Variants in BSCL2 observed in about 807,000 individuals in gnomAD.
The protein encoded by BSCL2 is seipin.
Under a neutral mutation model 57.4 loss-of-function variants are expected in BSCL2, and 41 were observed. The ratio of observed to expected loss-of-function variants is 0.71; its 90% CI spans 0.56 to 0.93. The LOEUF is 0.93. Among genes scored for constraint, BSCL2 ranks in the 40% least tolerant of loss-of-function variants. The pLI, the probability that BSCL2 is intolerant of heterozygous loss-of-function variation, is 0.00. For missense variants in BSCL2, 539 were observed against 586.7 expected, an observed-to-expected ratio of 0.92 and a Z score of 0.84; for synonymous variants, 237 against 227.3, an observed-to-expected ratio of 1.04 and a Z score of -0.38.
intron 3 of BSCL2, among the ~76,000 whole-genome samples, chr11:62,696,928 C>T (rs1357164672): frequency 6.6e-6 from 1 of 151,824 alleles, no homozygotes; most frequent in Non-Finnish European, 1.5e-5. Flanking sequence ...GTCCCAGCTG[C>T]TGAGGAGACT....
chr11:62,708,258 C>T, upstream of BSCL2: 1 of 1,351,976 alleles, frequency 7.4e-7, no homozygotes, highest in Non-Finnish European at 1.1e-6. Context: ...GGGCCTCCAG[C>T]TGAGACTGTG....
At chr11:62,694,765 T>C in intron 3 of BSCL2, 54 bp from the exon 4 acceptor site, 1 of 1,580,146 alleles carries the variant, frequency 6.3e-7, no homozygotes, top group Non-Finnish European at 8.6e-7. Context: ...GAAAATGTAC[T>C]GTCTCTATTC....
chr11:62,702,853 A>C (rs1299949533), intron 2 of BSCL2, among the ~76,000 whole-genome samples: 2 of 152,022 alleles, frequency 1.3e-5, no homozygotes, highest in African/African-American at 4.8e-5. Flanking sequence ...AGCTTGATAA[A>C]AATGTAAATT....
At chr11:62,693,285 T>C (rs1945358994) in intron 4 of BSCL2, among the ~76,000 whole-genome samples, 1 of 152,026 alleles carries the variant, frequency 6.6e-6, no homozygotes, top group South Asian at 2.1e-4. Context: ...GGTTGAATCA[T>C]TTGAGATCAG....
At chr11:62,702,343 G>A (rs910129862) in intron 3 of BSCL2, 125 bp downstream of exon 3, 4 of 854,530 alleles carry the variant, frequency 4.7e-6, no homozygotes, top group African/African-American at 1.7e-5. Context: ...TGGGATTACA[G>A]GCGTGAGCCA....
chr11:62,694,846 T>G, intron 3 of BSCL2, 135 bp from the exon 4 acceptor site: 1 of 1,061,648 alleles, frequency 9.4e-7, no homozygotes, highest in Non-Finnish European at 1.4e-6. Context: ...CTAACGGGCC[T>G]TTCAATCTGT....
chr11:62,709,133 G>C (rs1452196804), upstream of BSCL2: 1 of 479,224 alleles, frequency 2.1e-6, no homozygotes, highest in Non-Finnish European at 4.1e-6. Flanking sequence ...CCAGGTTCTT[G>C]CTCTCAGTCT....
Position 62,690,474 on chromosome 11 carries a change from G to A in BSCL2, c.1282C>T (p.Pro428Ser), listed in dbSNP as rs369732238. The A allele has an allele frequency of 2.2e-5, 36 of 1,614,074 alleles. No individual in the cohort carries two copies. The highest frequency in any genetic ancestry group is 1.6e-4 in the Middle Eastern group (1 of 6,084). Residue 428 changes from proline (P) to serine (S), a missense_variant, in exon 11 of 11, where the codon CCT becomes TCT. Coordinates refer to ENST00000360796, the MANE Select transcript of BSCL2 (RefSeq NM_001122955.4). The part of the protein sequence containing the change: ...DAALLTEANL[P>S]APAPASASAP... The stretch of plus-strand genomic sequence containing the variant: ...GAAGCAGAAGCAGGAGCAGGAGCAG[G>A]CAGGTTGGCCTCCGTCAGCAAAGCT...
chr11:62,693,230 G>T (rs981881192), intron 4 of BSCL2, among the ~76,000 whole-genome samples: 3 of 152,160 alleles, frequency 2.0e-5, no homozygotes, highest in Non-Finnish European at 1.5e-5. Flanking sequence ...TAGGCCAGGT[G>T]CGGTGGCTCA....
chr11:62,706,426 G>A, intron 1 of BSCL2: 2 of 537,494 alleles, frequency 3.7e-6, no homozygotes, highest in Non-Finnish European at 5.8e-6. Context: ...TTCCCGAGCT[G>A]CGAGGTCGCT....
Position 62,705,434 on chromosome 11 carries a change from G to T in BSCL2, c.271C>A (p.Leu91Met), listed in dbSNP as rs1435707776. 1 of 1,614,228 alleles carries T rather than the reference G, an allele frequency of 6.2e-7. No homozygotes were observed. Among genetic ancestry groups the T allele is most frequent in the Non-Finnish European group, 8.5e-7 (1 of 1,180,034 alleles). ...AAGAGCACCCCAAACTGCAGCAGCA[G>T]CCTGCGGGCACGGCCTGCCAAGACT... ...GQVLAGRARR[L>M]LLQFGVLFCT... Residue 91 changes from leucine (L) to methionine (M), a missense_variant, in exon 2 of 11, where the codon CTG becomes ATG. Leu to Met is a conservative substitution (Grantham distance 15). Around this residue, in one of 3 missense-constraint regions of BSCL2, gnomAD observed 218 missense variants for 224.8 expected, o/e 0.97. Coordinates refer to ENST00000360796, the MANE Select transcript of BSCL2 (RefSeq NM_001122955.4).
chr11:62,695,071 CCTCT>C (rs987873546), intron 3 of BSCL2, among the ~76,000 whole-genome samples: 36 of 152,186 alleles, frequency 2.4e-4, no homozygotes, highest in African/African-American at 8.2e-4. Context: ...CCCAGCCTGT[CCTCT>C]CTTACATTAT....
At position 62,705,574 on chromosome 11, in the gene BSCL2, C is replaced by T. The variant is rs769536524; in HGVS notation, c.131G>A (p.Gly44Asp). Residue 44 changes from glycine (G) to aspartate (D), a missense_variant, in exon 2 of 11, where the codon GGT becomes GAT. Gly to Asp is a moderately conservative substitution (Grantham distance 94). Around this residue, in one of 3 missense-constraint regions of BSCL2, gnomAD observed 218 missense variants for 224.8 expected, o/e 0.97. Coordinates refer to ENST00000360796, the MANE Select transcript of BSCL2 (RefSeq NM_001122955.4). ...CCTTGCGTTCCTAGCTGCTCTGCCACCTGGACGCCACCCCTGGCCATGGGA... is the reference window on the plus strand; with the variant it reads ...CCTTGCGTTCCTAGCTGCTCTGCCATCTGGACGCCACCCCTGGCCATGGGA... ...AASHGQGWRPGGRAARNARPE... is the reference protein window; with the variant it reads ...AASHGQGWRPDGRAARNARPE... The T allele has an allele frequency of 3.7e-5, 58 of 1,583,376 alleles. No individual in the cohort carries two copies. In the African/African-American group the frequency reaches 7.2e-4, roughly 20 times the overall value.
intron 1 of BSCL2, chr11:62,706,198 C>G (rs916119480): frequency 1.9e-6 from 2 of 1,055,598 alleles, no homozygotes; most frequent in Admixed American, 1.0e-4. Context: ...GCCCGGAGCC[C>G]CTACCTAATC....
chr11:62,703,278 A>G (rs1008409722), intron 2 of BSCL2, among the ~76,000 whole-genome samples: 2 of 151,168 alleles, frequency 1.3e-5, no homozygotes, highest in African/African-American at 2.4e-5. Flanking sequence ...AAGCTCATGA[A>G]CCCCTCCAAT....
chr11:62,694,737 T>A, intron 3 of BSCL2, 26 bp from the exon 4 acceptor site: 1 of 1,611,330 alleles, frequency 6.2e-7, no homozygotes, highest in Non-Finnish European at 8.5e-7. Context: ...CCCATTTCTT[T>A]AAAAAAATTT....
chr11:62,701,370 C>T (rs910296170), intron 3 of BSCL2, among the ~76,000 whole-genome samples: 3 of 152,200 alleles, frequency 2.0e-5, no homozygotes, highest in African/African-American at 7.2e-5. Flanking sequence ...GCTGAAAACG[C>T]ATTTAGTACA....
rs1421244974 is a variant in BSCL2 at position 62,690,850 on chromosome 11, C to T, written c.1090G>A (p.Glu364Lys). The change falls in exon 9 of 11, where the codon GAG becomes AAG. Residue 364 changes from glutamate (E) to lysine (K), a missense_variant. Coordinates refer to ENST00000360796, the MANE Select transcript of BSCL2 (RefSeq NM_001122955.4). ...AHQPGPEGQE[E>K]STPQSDVTED... The stretch of plus-strand genomic sequence containing the variant: ...GTAACATCTGATTGCGGAGTTGACT[C>T]CTCCTGGCCTTCAGGCCCTGCACCT... 1 of 1,613,656 alleles carries T rather than the reference C, an allele frequency of 6.2e-7. No homozygotes were observed. The highest frequency in any genetic ancestry group is 8.5e-7 in the Non-Finnish European group (1 of 1,180,020).
At chr11:62,703,107 G>A (rs898281540) in intron 2 of BSCL2, among the ~76,000 whole-genome samples, 4 of 149,764 alleles carry the variant, frequency 2.7e-5, no homozygotes, top group African/African-American at 4.9e-5. Flanking sequence ...CCAAGATCAC[G>A]CCACTGCACT....
Sources: allele counts gnomAD v4.1 joint callset (sites outside exome capture counted in the v4.1 genomes callset), GRCh38; gene constraint gnomAD v4.1.1; regional missense constraint gnomAD v4.1.1; transcripts MANE v1.5; gene names NCBI Gene and HGNC (gene_info 2026-07-23, HGNC 2026-07-21).